The following ASXL2 variants were observed in gnomAD, a reference collection of about 807,000 sequenced individuals.
The protein encoded by ASXL2 is putative Polycomb group protein ASXL2.
A neutral mutation model predicts 122.0 loss-of-function variants in ASXL2; 23 were observed. The ratio of observed to expected loss-of-function variants is 0.19; its 90% CI spans 0.14 to 0.27. The LOEUF is 0.27. ASXL2 is among the 10% of genes least tolerant of loss of function. The pLI is 1.00. For synonymous variants in ASXL2, 650 were observed against 637.0 expected, an observed-to-expected ratio of 1.02 and a Z score of -0.31; for missense variants, 1,518 against 1,713.8, an observed-to-expected ratio of 0.89 and a Z score of 2.02.
At chr2:25,842,955 G>A (rs2089604508) in intron 2 of ASXL2, among the ~76,000 whole-genome samples, 1 of 151,144 alleles carries the variant, frequency 6.6e-6, no homozygotes, top group East Asian at 2.0e-4. Flanking sequence ...CCAAGTAGCT[G>A]GGATTACACG....
chr2:25,862,989 TTACAA>T (rs1013852494), intron 1 of ASXL2, among the ~76,000 whole-genome samples: 8 of 152,070 alleles, frequency 5.3e-5, no homozygotes, highest in African/African-American at 7.2e-5. Flanking sequence ...GACAAATTCA[TTACAA>T]TACAATATTT....
chr2:25,834,500 C>G (rs569136582), intron 3 of ASXL2, among the ~76,000 whole-genome samples: 2 of 152,248 alleles, frequency 1.3e-5, no homozygotes, highest in South Asian at 4.1e-4. Context: ...CAAACTCTTG[C>G]TTACAATAAA....
intron 3 of ASXL2, chr2:25,810,461 C>A: frequency 1.4e-6 from 1 of 723,188 alleles, no homozygotes. Context: ...TGCTCCTGAG[C>A]ACAGTCCAGC....
chr2:25,745,641 C>CTTTT (rs59530493), intron 12 of ASXL2, among the ~76,000 whole-genome samples: 50 of 75,670 alleles, frequency 6.6e-4, no homozygotes, highest in East Asian at 1.4e-3. Flanking sequence ...TGATTTCCTT[C>CTTTT]TTTTTTTTTT....
At chr2:25,848,752 A>G (rs1299982573) in intron 1 of ASXL2, among the ~76,000 whole-genome samples, 1 of 151,836 alleles carries the variant, frequency 6.6e-6, no homozygotes, top group Admixed American at 6.6e-5. Context: ...GTTGGTTAAA[A>G]CTACTTAAGG....
chr2:25,777,651 T>A (rs1055511990), intron 5 of ASXL2, among the ~76,000 whole-genome samples: 1 of 152,092 alleles, frequency 6.6e-6, no homozygotes, highest in African/African-American at 2.4e-5. Context: ...GTCTTATAAT[T>A]CCTTTTAGTG....
intron 3 of ASXL2, among the ~76,000 whole-genome samples, chr2:25,816,622 G>A (rs1232580322): frequency 2.0e-5 from 3 of 151,812 alleles, no homozygotes; most frequent in African/African-American, 7.3e-5. Flanking sequence ...AAAGACATGA[G>A]GAAGAAAAAA....
chr2:25,763,966 T>A (rs565834303), intron 8 of ASXL2, among the ~76,000 whole-genome samples: 1 of 152,142 alleles, frequency 6.6e-6, no homozygotes, highest in African/African-American at 2.4e-5. Context: ...CCCTATATAT[T>A]TGGAAATTAA....
Position 25,740,901 on chromosome 2 carries a change from A to G in ASXL2, c.*1128T>C, listed in dbSNP as rs1362800922. ...TCCTGTTCAGATGCCTGGGAGGTCAAAACAGGTTGAACAGAATGAACAAAT... is the reference window on the plus strand; with the variant it reads ...TCCTGTTCAGATGCCTGGGAGGTCAGAACAGGTTGAACAGAATGAACAAAT... On this transcript the variant is annotated 3_prime_UTR_variant, in exon 13 of 13. Coordinates refer to ENST00000435504, the MANE Select transcript of ASXL2 (RefSeq NM_018263.6). 1 of 192,050 alleles carries G rather than the reference A, an allele frequency of 5.2e-6. No homozygotes were observed. Among genetic ancestry groups the G allele is most frequent in the Admixed American group, 6.1e-5 (1 of 16,322 alleles). 11.9% of individuals were successfully genotyped at this position (192,050 alleles called of 1,614,324 possible).
chr2:25,823,619 CTG>C (rs947807535), intron 3 of ASXL2, among the ~76,000 whole-genome samples: 2 of 152,126 alleles, frequency 1.3e-5, no homozygotes, highest in African/African-American at 4.8e-5. Context: ...ATGAAGAAAG[CTG>C]TACATTGTTG....
intron 1 of ASXL2, among the ~76,000 whole-genome samples, chr2:25,861,353 TTAA>T (rs1426138127): frequency 6.6e-6 from 1 of 152,144 alleles, no homozygotes; most frequent in Non-Finnish European, 1.5e-5. Context: ...GCCCACATAC[TTAA>T]TAACACAGAA....
intron 1 of ASXL2, among the ~76,000 whole-genome samples, chr2:25,851,142 T>C (rs1020327800): frequency 1.5e-4 from 23 of 149,394 alleles, no homozygotes; most frequent in African/African-American, 5.4e-4. Flanking sequence ...GCAAAACTCC[T>C]TCTCCAAAAA....
intron 1 of ASXL2, among the ~76,000 whole-genome samples, chr2:25,855,112 C>T (rs1290180528): frequency 1.3e-5 from 2 of 152,154 alleles, no homozygotes; most frequent in East Asian, 3.8e-4. Flanking sequence ...TGACAGATAC[C>T]TCAAAGTTTA....
intron 1 of ASXL2, chr2:25,856,828 G>A: frequency 9.8e-7 from 1 of 1,019,982 alleles, no homozygotes; most frequent in African/African-American, 1.6e-5. Flanking sequence ...CCCACAATCT[G>A]GATGTCCACC....
intron 2 of ASXL2, 35 bp downstream of exon 2, chr2:25,845,445 AT>A: frequency 7.3e-7 from 1 of 1,365,440 alleles, no homozygotes; most frequent in Non-Finnish European, 9.8e-7. Flanking sequence ...CTGATCAAGT[AT>A]TATAATTATT....
chr2:25,849,511 A>G (rs1411883812), intron 1 of ASXL2, among the ~76,000 whole-genome samples: 2 of 149,302 alleles, frequency 1.3e-5, no homozygotes, highest in African/African-American at 4.9e-5. Context: ...GTCTCACTGT[A>G]TTGCCCAGGC....
chr2:25,828,517 A>AG (rs1382306156), intron 3 of ASXL2, among the ~76,000 whole-genome samples: 2 of 133,714 alleles, frequency 1.5e-5, no homozygotes, highest in African/African-American at 5.6e-5. Flanking sequence ...TCAAAAAAAA[A>AG]AAATAAAAAG....
intron 3 of ASXL2, chr2:25,809,964 C>A: frequency 1.9e-6 from 1 of 526,998 alleles, no homozygotes; most frequent in Non-Finnish European, 3.8e-6. Context: ...GGTCCAGCAT[C>A]CTTTGTACAG....
intron 5 of ASXL2, among the ~76,000 whole-genome samples, chr2:25,783,317 A>G (rs943076511): frequency 6.6e-6 from 1 of 151,710 alleles, no homozygotes; most frequent in Non-Finnish European, 1.5e-5. Flanking sequence ...ATCCCATTTC[A>G]TCTACAAAGT....
Sources: gnomAD v4.1 joint callset for allele counts (sites outside exome capture counted in the v4.1 genomes callset) on GRCh38, gnomAD v4.1.1 for gene constraint, MANE v1.5 for transcripts, NCBI Gene and HGNC (gene_info 2026-07-23, HGNC 2026-07-21) for gene names.